DAPK2: variants seen among roughly 807,000 people sequenced by gnomAD.
DAPK2 encodes death associated protein kinase 2.
Under a neutral mutation model 44.1 loss-of-function variants are expected in DAPK2, and 35 were observed. The ratio of observed to expected loss-of-function variants is 0.79; its 90% confidence interval spans 0.61 to 1.05. The LOEUF (loss-of-function observed/expected upper bound fraction) is 1.05, where lower values mean the gene tolerates loss of function less well. DAPK2 is among the 50% of genes least tolerant of loss of function. The pLI, the probability that DAPK2 is intolerant of heterozygous loss-of-function variation, is 0.00. For synonymous variants in DAPK2, 174 were observed against 182.6 expected (o/e 0.95, Z 0.38); for missense variants, 453 against 483.2 (o/e 0.94, Z 0.59).
At chr15:64,022,483 G>A (rs759850405) in intron 1 of DAPK2, among the ~76,000 whole-genome samples, 1 of 152,090 alleles carries the variant, frequency 6.6e-6, no homozygotes, top group African/African-American at 2.4e-5. Flanking sequence ...GACTACTTCC[G>A]TAAAGAACTG....
At chr15:64,039,901 A>G (rs534544385) in intron 1 of DAPK2, among the ~76,000 whole-genome samples, 55 of 152,366 alleles carry the variant, frequency 3.6e-4, no homozygotes, top group African/African-American at 1.3e-3. Flanking sequence ...TAACAGATCA[A>G]ACAAGAATCA....
At chr15:63,921,574 C>T (rs1242376500) in intron 8 of DAPK2, 1 of 152,208 alleles carries the variant, frequency 6.6e-6, no homozygotes, top group Non-Finnish European at 1.5e-5. Context: ...ATCTTATAAT[C>T]CTTGGGGAGG....
upstream of DAPK2, among the ~76,000 whole-genome samples, chr15:64,040,518 C>T (rs954665692): frequency 1.3e-5 from 2 of 152,080 alleles, no homozygotes; most frequent in African/African-American, 4.8e-5. Flanking sequence ...GTCTTCAGAT[C>T]TGTCTGAAGA....
chr15:63,966,118 G>A lies in DAPK2; in HGVS notation c.453+5305C>T, dbSNP rs1338876197. Among the ~76,000 whole-genome samples, 1 of 152,184 alleles carries A rather than the reference G, an allele frequency of 6.6e-6. No individual in the cohort carries two copies. Among genetic ancestry groups the A allele is most frequent in the East Asian group, 1.9e-4 (1 of 5,206 alleles). On this transcript the variant is annotated intron_variant, in intron 3 of 10. Coordinates refer to ENST00000261891, the Ensembl canonical transcript of DAPK2. This position sits in a 1 kb window ranked among gnomAD's most constrained non-coding sequence, Gnocchi z 5.5. ...TGGATGTCACTGCTGACTATTCAGGGCCCAGGGCCTCTGTAGTCAGCAGGT... is the reference window on the plus strand; with the variant it reads ...TGGATGTCACTGCTGACTATTCAGGACCCAGGGCCTCTGTAGTCAGCAGGT...
chr15:63,981,097 A>G (rs911541428), intron 2 of DAPK2, among the ~76,000 whole-genome samples: 1 of 152,062 alleles, frequency 6.6e-6, no homozygotes, highest in African/African-American at 2.4e-5. Flanking sequence ...CTCAAAAAAA[A>G]AAAAAAAAGA....
chr15:63,935,671 T>C (rs1003575722), intron 4 of DAPK2: 4 of 152,230 alleles, frequency 2.6e-5, no homozygotes, highest in African/African-American at 9.6e-5. Flanking sequence ...TGGATGCAGT[T>C]CTGAAAATTC....
chr15:63,989,900 C>T (rs2078771413), intron 1 of DAPK2, among the ~76,000 whole-genome samples: 1 of 152,156 alleles, frequency 6.6e-6, no homozygotes, highest in African/African-American at 2.4e-5. Context: ...CCATGTTGGC[C>T]AGGCTGGTCT....
At chr15:63,982,866 G>C (rs1465814650) in intron 2 of DAPK2, among the ~76,000 whole-genome samples, 1 of 152,262 alleles carries the variant, frequency 6.6e-6, no homozygotes, top group South Asian at 2.1e-4. Context: ...GATTAAATAA[G>C]GTACAGAAGT....
chr15:63,989,435 T>C lies in DAPK2; in HGVS notation c.93-5681A>G, dbSNP rs528894926. Among the ~76,000 whole-genome samples, 7 of 152,130 alleles carry C rather than the reference T, an allele frequency of 4.6e-5. No homozygotes were observed. In the East Asian group the frequency reaches 1.2e-3, roughly 25 times the overall value. On this transcript the variant is annotated intron_variant, in intron 1 of 10. Coordinates refer to ENST00000261891, the Ensembl canonical transcript of DAPK2. ...CTTAGAGAAGTAAAGTGACTGGCAA[T>C]TGGGCCAGGGAACAGGGCTAGGACA...
rs2146479141 is a variant in DAPK2, at chr15:63,912,011, G to T, written c.949-20C>A. The T allele has an allele frequency of 4.3e-6, 7 of 1,612,080 alleles. No homozygotes were observed. The highest frequency in any genetic ancestry group is 5.9e-6 in the Non-Finnish European group (7 of 1,179,114). On this transcript the variant is annotated intron_variant, in intron 9 of 10. Transcript: ENST00000261891. The surrounding 1 kb of genome is among the most constrained non-coding windows in gnomAD (Gnocchi z 4.4). The stretch of plus-strand genomic sequence containing the variant: ...GGAAAGCTGAGGGAGGCAGAGGAAA[G>T]GAATCCCCAGGTGAGAATGTGCATG...
chr15:64,040,238 A>C, exon 1 of DAPK2: 1 of 1,613,646 alleles, frequency 6.2e-7, no homozygotes, highest in Non-Finnish European at 8.5e-7. Flanking sequence ...CCATGTTTGG[A>C]CTCCTCATTG....
intron 3 of DAPK2, among the ~76,000 whole-genome samples, chr15:63,967,458 G>T (rs555023005): frequency 1.3e-5 from 2 of 152,126 alleles, no homozygotes; most frequent in Admixed American, 6.5e-5. Flanking sequence ...GACCAAGGTG[G>T]GTGGTGGGGA....
intron 1 of DAPK2, among the ~76,000 whole-genome samples, chr15:64,002,509 A>G (rs938989174): frequency 2.0e-5 from 3 of 152,234 alleles, no homozygotes; most frequent in African/African-American, 7.2e-5. Context: ...TAATTAATGG[A>G]TGGATGGATA....
chr15:63,943,664 G>A (rs1293806996), intron 3 of DAPK2, among the ~76,000 whole-genome samples: 2 of 151,966 alleles, frequency 1.3e-5, no homozygotes, highest in Admixed American at 1.3e-4. Context: ...CTTGAGGTCA[G>A]GAGTTCAAGA....
At chr15:63,956,158 T>C (rs1396622375) in intron 3 of DAPK2, among the ~76,000 whole-genome samples, 1 of 152,196 alleles carries the variant, frequency 6.6e-6, no homozygotes, top group Non-Finnish European at 1.5e-5. Context: ...CTTTTTCGTC[T>C]CTGATTTTAT....
chr15:64,042,241 T>G (rs568432481), upstream of DAPK2, among the ~76,000 whole-genome samples: 15 of 152,282 alleles, frequency 9.9e-5, no homozygotes, highest in South Asian at 3.1e-3. This position sits in a 1 kb window ranked among gnomAD's most constrained non-coding sequence, Gnocchi z 4.7. Flanking sequence ...CTAGCAAGTT[T>G]AGCTTGACCA....
chr15:63,977,378 C>G (rs1354142499), intron 2 of DAPK2, among the ~76,000 whole-genome samples: 1 of 152,140 alleles, frequency 6.6e-6, no homozygotes, highest in Non-Finnish European at 1.5e-5. Context: ...TGGAGTAACC[C>G]TGGGTCTGCT....
At chr15:63,940,178 C>T (rs1281342639) in intron 3 of DAPK2, among the ~76,000 whole-genome samples, 1 of 152,178 alleles carries the variant, frequency 6.6e-6, no homozygotes, top group Non-Finnish European at 1.5e-5. Context: ...TCTGCCTCAC[C>T]CACTTTCTCC....
intron 3 of DAPK2, among the ~76,000 whole-genome samples, chr15:63,955,373 T>C (rs896732532): frequency 6.6e-6 from 1 of 152,198 alleles, no homozygotes; most frequent in Non-Finnish European, 1.5e-5. Context: ...TCAATTGAAA[T>C]GATTATGTTT....
Sources: allele counts gnomAD v4.1 joint callset (sites outside exome capture counted in the v4.1 genomes callset), GRCh38; gene constraint gnomAD v4.1.1; non-coding constraint Gnocchi (gnomAD v3.1); transcripts MANE v1.5; gene names NCBI Gene and HGNC (gene_info 2026-07-23, HGNC 2026-07-21).